The following MYO5B variants were observed in gnomAD, a reference collection of about 807,000 sequenced individuals.
The protein encoded by MYO5B is unconventional myosin-Vb.
In MYO5B, 143 loss-of-function variants were observed where a neutral mutation model predicts 229.3. That is an observed-to-expected ratio of 0.62 (90% CI 0.54 to 0.72). The LOEUF (loss-of-function observed/expected upper bound fraction) is 0.72, where lower values mean the gene tolerates loss of function less well. Among genes scored for constraint, MYO5B ranks in the 30% least tolerant of loss-of-function variants. The pLI is 0.00. For missense variants in MYO5B, 2,321 were observed against 2,331.0 expected (o/e 1.00, Z 0.09); for synonymous variants, 918 against 885.2 (o/e 1.04, Z -0.66).
At chr18:50,084,784 G>A (rs1461473750) in intron 1 of MYO5B, among the ~76,000 whole-genome samples, 1 of 152,094 alleles carries the variant, frequency 6.6e-6, no homozygotes, top group Non-Finnish European at 1.5e-5. Context: ...TCTGATCTTT[G>A]ACAAACCTGA....
At chr18:49,999,136 A>G (rs943577987) in intron 5 of MYO5B, among the ~76,000 whole-genome samples, 2 of 152,214 alleles carry the variant, frequency 1.3e-5, no homozygotes, top group Non-Finnish European at 2.9e-5. Flanking sequence ...CTGGAGCTCA[A>G]AGAGGTTTCT....
chr18:50,068,044 T>TACACACACAC (rs4042092), intron 1 of MYO5B, among the ~76,000 whole-genome samples: 4 of 147,874 alleles, frequency 2.7e-5, no homozygotes, highest in Non-Finnish European at 6.0e-5. Context: ...TACACACATA[T>TACACACACAC]ACACACACAC....
chr18:50,155,614 C>G (rs2032666419), intron 1 of MYO5B, among the ~76,000 whole-genome samples: 1 of 152,240 alleles, frequency 6.6e-6, no homozygotes, highest in Non-Finnish European at 1.5e-5. Context: ...TTGCCCGGCA[C>G]TCCCAACAGG....
Position 50,018,615 on chromosome 18 carries a change from A to G in MYO5B, c.456-17204T>C, listed in dbSNP as rs554090951. On this transcript the variant is annotated intron_variant, in intron 4 of 39. Transcript: ENST00000285039. ...AGAACAACCCTAGGAATAAAGTCCT[A>G]TTATCATCCCCATGCTACAGATAAG... 2.6e-5 allele frequency among the ~76,000 whole-genome samples: 4 copies of G among 152,272 alleles called. No homozygotes were observed. In the South Asian group the frequency reaches 8.3e-4, roughly 32 times the overall value.
At chr18:50,145,035 G>A (rs2032477626) in intron 1 of MYO5B, among the ~76,000 whole-genome samples, 1 of 152,108 alleles carries the variant, frequency 6.6e-6, no homozygotes, top group Non-Finnish European at 1.5e-5. Context: ...TTCTGGGAGA[G>A]GCAACAACTC....
intron 14 of MYO5B, among the ~76,000 whole-genome samples, chr18:49,947,441 C>T (rs562426329): frequency 6.6e-5 from 10 of 152,314 alleles, no homozygotes; most frequent in Non-Finnish European, 1.3e-4. Flanking sequence ...AGGACCCATA[C>T]AAAGGATCAC....
rs1599027335 is a variant in MYO5B, at chr18:50,109,428, T to TCTTC, written c.28-54051_28-54050insGAAG. ...CTGGTCCGCTGGTCATGATTTTTCT[T>TCTTC]TTTTTTTTTTTTTTGAGACAAGAGT... On this transcript the variant is annotated intron_variant, in intron 1 of 39. Transcript: ENST00000285039. Among the ~76,000 whole-genome samples the TCTTC allele has an allele frequency of 2.9e-5, 4 of 135,958 alleles. No individual in the cohort carries two copies. In the East Asian group the frequency reaches 7.9e-4, roughly 27 times the overall value. 89.2% of individuals were successfully genotyped at this position (135,958 alleles called of 152,430 possible).
At chr18:50,101,678 C>A (rs1444352441) in intron 1 of MYO5B, among the ~76,000 whole-genome samples, 1 of 152,058 alleles carries the variant, frequency 6.6e-6, no homozygotes, top group Non-Finnish European at 1.5e-5. Flanking sequence ...CAAATCAAAA[C>A]CACAATGAGA....
intron 17 of MYO5B, among the ~76,000 whole-genome samples, chr18:49,916,265 T>C (rs778056612): frequency 3.3e-5 from 5 of 152,180 alleles, no homozygotes; most frequent in Non-Finnish European, 7.3e-5. Context: ...CTCAAGGAAA[T>C]TACTAGAGTG....
intron 14 of MYO5B, among the ~76,000 whole-genome samples, chr18:49,941,130 C>T (rs552589040): frequency 1.5e-4 from 23 of 152,308 alleles, no homozygotes; most frequent in East Asian, 5.8e-4. Context: ...GGAATCAACA[C>T]GTGTCAGTTT....
chr18:50,091,391 T>C (rs1419430865), intron 1 of MYO5B, among the ~76,000 whole-genome samples: 1 of 152,272 alleles, frequency 6.6e-6, no homozygotes, highest in African/African-American at 2.4e-5. Flanking sequence ...TTTACTCGTA[T>C]TCAAGCTTAT....
chr18:50,090,951 G>T (rs1317145290), intron 1 of MYO5B, among the ~76,000 whole-genome samples: 1 of 152,224 alleles, frequency 6.6e-6, no homozygotes, highest in Non-Finnish European at 1.5e-5. Flanking sequence ...TAGGTTCCCA[G>T]GACAGCCTGC....
At chr18:49,924,407 AT>A (rs2025107622) in intron 17 of MYO5B, among the ~76,000 whole-genome samples, 1 of 152,188 alleles carries the variant, frequency 6.6e-6, no homozygotes, top group Non-Finnish European at 1.5e-5. Context: ...ATTGAGATTA[AT>A]TTACTTCTCC....
intron 1 of MYO5B, among the ~76,000 whole-genome samples, chr18:50,111,097 A>G (rs2031856686): frequency 6.6e-6 from 1 of 152,236 alleles, no homozygotes; most frequent in African/African-American, 2.4e-5. Context: ...AGGAAATGGC[A>G]AATAGGCAAA....
intron 4 of MYO5B, among the ~76,000 whole-genome samples, chr18:50,007,799 T>C (rs2026119012): frequency 6.6e-6 from 1 of 152,244 alleles, no homozygotes; most frequent in Non-Finnish European, 1.5e-5. Flanking sequence ...TAACTAACCA[T>C]TTATTTACAT....
intron 1 of MYO5B, among the ~76,000 whole-genome samples, chr18:50,104,125 C>T (rs1489542659): frequency 6.8e-6 from 1 of 147,424 alleles, no homozygotes; most frequent in Non-Finnish European, 1.5e-5. Flanking sequence ...TATGATCATG[C>T]CACTGCACTC....
At chr18:50,012,073 A>G (rs1411272483) in intron 4 of MYO5B, among the ~76,000 whole-genome samples, 2 of 151,776 alleles carry the variant, frequency 1.3e-5, no homozygotes, top group Admixed American at 1.3e-4. Flanking sequence ...GTGCTCGTGG[A>G]GCTTAGGAAA....
chr18:50,172,280 AAAAAAGAC>A lies in MYO5B; in HGVS notation c.27+22479_27+22486del, dbSNP rs551025392. ...TAGGTGATAGAGTGAGACCCTGACA[AAAAAAGAC>A]AAAAAAAAAAAAAAAAAAAGGCCGA... is the stretch of plus-strand genomic sequence containing the variant. On this transcript the variant is annotated intron_variant, in intron 1 of 39. Coordinates refer to ENST00000285039, the MANE Select transcript of MYO5B (RefSeq NM_001080467.3). Among the ~76,000 whole-genome samples the A allele has an allele frequency of 9.1e-4, 127 of 139,444 alleles. 1 individual carries two copies. The highest frequency in any genetic ancestry group is 3.3e-3 in the African/African-American group (121 of 36,480). The allele number at this position is 139,444 out of a possible 152,430, so 91.5% of individuals were successfully genotyped here.
At chr18:50,121,870 C>T (rs1465248944) in intron 1 of MYO5B, among the ~76,000 whole-genome samples, 1 of 152,260 alleles carries the variant, frequency 6.6e-6, no homozygotes, top group Non-Finnish European at 1.5e-5. Context: ...CCCCATGCAA[C>T]TACCAATAAC....
Sources: allele counts gnomAD v4.1 joint callset (sites outside exome capture counted in the v4.1 genomes callset), GRCh38; gene constraint gnomAD v4.1.1; transcripts MANE v1.5; gene names NCBI Gene and HGNC (gene_info 2026-07-23, HGNC 2026-07-21).